CASK: variants seen among roughly 807,000 people sequenced by gnomAD.
CASK encodes calcium/calmodulin dependent serine protein kinase, also known as peripheral plasma membrane protein CASK.
In CASK, 4 loss-of-function variants were observed where a neutral mutation model predicts 82.9. The observed-to-expected ratio is 0.05, with a 90% confidence interval of 0.02 to 0.11. The LOEUF is 0.11. Among genes scored for constraint, CASK ranks in the 10% least tolerant of loss-of-function variants. The pLI, the probability that CASK is intolerant of heterozygous loss-of-function variation, is 1.00. For synonymous variants in CASK, 259 were observed against 253.5 expected, an observed-to-expected ratio of 1.02 and a Z score of -0.20; for missense variants, 358 against 720.9, an observed-to-expected ratio of 0.50 and a Z score of 5.76.
intron 3 of CASK, among the ~76,000 whole-genome samples, chrX:41,774,489 C>T (rs1253529566): frequency 1.8e-5 from 2 of 111,259 alleles, no homozygotes; most frequent in African/African-American, 6.5e-5. Flanking sequence ...AATGCCATCC[C>T]CATCAAGCTA....
chrX:41,581,677 G>A (rs1249032218), intron 14 of CASK, among the ~76,000 whole-genome samples: 1 of 109,272 alleles, frequency 9.2e-6, no homozygotes, highest in Non-Finnish European at 1.9e-5. Flanking sequence ...AGATTTTGAA[G>A]CCATGATTTT....
At chrX:41,677,630 GGGA>G (rs2067291588) in intron 5 of CASK, among the ~76,000 whole-genome samples, 1 of 112,039 alleles carries the variant, frequency 8.9e-6, no homozygotes, top group African/African-American at 3.2e-5. Context: ...AGGAGAGAAT[GGGA>G]GGAGATGATG....
chrX:41,613,806 T>G (rs887072961), intron 11 of CASK, among the ~76,000 whole-genome samples: 2 of 111,385 alleles, frequency 1.8e-5, no homozygotes, highest in African/African-American at 3.3e-5. Context: ...CCTATTTCTA[T>G]TTCATTCTGT....
At chrX:41,540,536 C>T (rs1280056075) in intron 22 of CASK, among the ~76,000 whole-genome samples, 1 of 112,477 alleles carries the variant, frequency 8.9e-6, no homozygotes, top group Admixed American at 9.4e-5. Flanking sequence ...ATTGACTAAC[C>T]TAATTCCCTC....
chrX:41,758,460 AAAAG>A (rs2068937907), intron 3 of CASK, among the ~76,000 whole-genome samples: 1 of 109,785 alleles, frequency 9.1e-6, no homozygotes, highest in Non-Finnish European at 1.9e-5. Flanking sequence ...AAAGGAAAAA[AAAAG>A]AAAGTCTTCA....
intron 8 of CASK, among the ~76,000 whole-genome samples, chrX:41,645,101 C>A (rs1405176591): frequency 9.0e-6 from 1 of 110,865 alleles, no homozygotes; most frequent in Non-Finnish European, 1.9e-5. Flanking sequence ...TTTTGAAAAT[C>A]CTTAATAAAA....
At position 41,515,608 on chromosome X, in the gene CASK, C is replaced by T. The variant is rs992377627; in HGVS notation, c.*4812G>A. ...CGCTGCCTGCTGCACCCGGCAGCCG[C>T]CTACCTGCCTGCACAGATGACATTC... On this transcript the variant is annotated 3_prime_UTR_variant, in exon 27 of 27. Coordinates refer to ENST00000378163, the MANE Select transcript of CASK (RefSeq NM_001367721.1). 1 of 111,440 alleles carries T rather than the reference C, an allele frequency of 9.0e-6. No individual in the cohort carries two copies. Among genetic ancestry groups the T allele is most frequent in the Non-Finnish European group, 1.9e-5 (1 of 53,020 alleles). 9.2% of individuals were successfully genotyped at this position (111,440 alleles called of 1,213,427 possible).
intron 21 of CASK, among the ~76,000 whole-genome samples, chrX:41,544,812 G>C (rs1239628687): frequency 1.8e-5 from 2 of 110,556 alleles, no homozygotes; most frequent in Non-Finnish European, 3.8e-5. Context: ...GAAGCAGGAG[G>C]ATGACTTGAG....
At chrX:41,799,600 A>G (rs2069946744) in intron 2 of CASK, among the ~76,000 whole-genome samples, 1 of 108,745 alleles carries the variant, frequency 9.2e-6, no homozygotes, top group Admixed American at 1.0e-4. Flanking sequence ...GAATGGCTGT[A>G]TAAAGGAGCT....
chrX:41,718,961 G>T (rs1005856652), intron 5 of CASK, among the ~76,000 whole-genome samples: 1 of 112,374 alleles, frequency 8.9e-6, no homozygotes. Flanking sequence ...CTTGAGTAAT[G>T]GGCCACCTGG....
At chrX:41,774,431 TC>T (rs1210545581) in intron 3 of CASK, among the ~76,000 whole-genome samples, 16 of 111,443 alleles carry the variant, frequency 1.4e-4, no homozygotes, top group African/African-American at 4.6e-4. Flanking sequence ...GTAGGAAGAA[TC>T]CAATATCGTG....
intron 1 of CASK, among the ~76,000 whole-genome samples, chrX:41,901,729 A>G (rs2072385641): frequency 9.0e-6 from 1 of 111,365 alleles, no homozygotes; most frequent in African/African-American, 3.3e-5. Flanking sequence ...GCCTAGTGCC[A>G]GGGTCCACTC....
At chrX:41,548,224 T>G (rs745559354) in intron 21 of CASK, among the ~76,000 whole-genome samples, 1 of 111,694 alleles carries the variant, frequency 9.0e-6, no homozygotes, top group Non-Finnish European at 1.9e-5. Flanking sequence ...GATCGGCTGA[T>G]TGGTTTTCAA....
At chrX:41,535,137 A>G (rs2064857988) in intron 22 of CASK, among the ~76,000 whole-genome samples, 164 bp from the exon 23 acceptor site, 1 of 111,939 alleles carries the variant, frequency 8.9e-6, no homozygotes, top group Non-Finnish European at 1.9e-5. Context: ...GTCATATAGC[A>G]TCTAGGGAGA....
At chrX:41,523,792 T>C (rs753477405) in intron 26 of CASK, among the ~76,000 whole-genome samples, 159 bp downstream of exon 26, 1 of 112,174 alleles carries the variant, frequency 8.9e-6, no homozygotes, top group South Asian at 3.7e-4. Flanking sequence ...ATTTTAGAAG[T>C]CAGCTTACTG....
intron 5 of CASK, among the ~76,000 whole-genome samples, chrX:41,735,842 T>C (rs889930758): frequency 4.5e-5 from 5 of 111,417 alleles, no homozygotes; most frequent in African/African-American, 1.3e-4. Context: ...GTGGCCTACT[T>C]TGACCACCAT....
intron 3 of CASK, among the ~76,000 whole-genome samples, chrX:41,784,793 T>C (rs2069549755): frequency 9.1e-6 from 1 of 109,667 alleles, no homozygotes; most frequent in Non-Finnish European, 1.9e-5. Context: ...GGAGAATTGC[T>C]TGAACCCAGG....
intron 20 of CASK, 104 bp downstream of exon 20, chrX:41,555,496 T>C: frequency 1.6e-6 from 1 of 619,110 alleles, no homozygotes; most frequent in South Asian, 2.3e-5. Context: ...AATGCTCAAA[T>C]GTTATGGTCC....
intron 1 of CASK, among the ~76,000 whole-genome samples, chrX:41,911,935 G>A (rs746489695): frequency 9.0e-6 from 1 of 110,531 alleles, no homozygotes; most frequent in Admixed American, 9.7e-5. Flanking sequence ...AGAACGTACA[G>A]GTTTGTTACA....
Sources: allele counts gnomAD v4.1 joint callset (sites outside exome capture counted in the v4.1 genomes callset), GRCh38; gene constraint gnomAD v4.1.1; transcripts MANE v1.5; gene names NCBI Gene and HGNC (gene_info 2026-07-23, HGNC 2026-07-21).